ABHD17A: variants seen among roughly 807,000 people sequenced by gnomAD.
ABHD17A encodes the protein abhydrolase domain containing 17A, depalmitoylase, also known as alpha/beta hydrolase domain-containing protein 17A.
A neutral mutation model predicts 26.8 loss-of-function variants in ABHD17A; 10 were observed. That is an observed-to-expected ratio of 0.37 (90% CI 0.23 to 0.63). The LOEUF is 0.63. Among genes scored for constraint, ABHD17A ranks in the 30% least tolerant of loss-of-function variants. ABHD17A has a pLI of 0.61. For missense variants in ABHD17A, 292 were observed against 457.3 expected (o/e 0.64, Z 3.30); for synonymous variants, 167 against 210.9 (o/e 0.79, Z 1.80).
rs777069471 is a variant in ABHD17A, at chr19:1,881,509, C to T, written c.58G>A (p.Gly20Ser). The change falls in exon 2 of 5, where the codon GGC becomes AGC. Residue 20 changes from glycine to serine, a missense_variant. Physicochemically the swap from Gly to Ser is moderately conservative, Grantham distance 56. Coordinates refer to ENST00000292577, the MANE Select transcript of ABHD17A (RefSeq NM_001130111.2). ...AAGGCGAGCTTGGCAGCGATGCGGC[C>T]GGGGCAGGGCGGGCAGCAGAAGAGG... ...CCLFCCPPCP[G>S]RIAAKLAFLP... 33 of 1,604,020 alleles carry T rather than the reference C, an allele frequency of 2.1e-5. No individual in the cohort carries two copies. Among genetic ancestry groups the T allele is most frequent in the East Asian group, 8.9e-5 (4 of 44,792 alleles).
chr19:1,878,801 C>G (rs1038458974), intron 3 of ABHD17A: 15 of 152,562 alleles, frequency 9.8e-5, no homozygotes, highest in Admixed American at 6.5e-4. Context: ...GGCAGGAGCC[C>G]CGAGCTGCCA....
intron 1 of ABHD17A, among the ~76,000 whole-genome samples, chr19:1,884,987 G>A (rs1481113062): frequency 1.3e-5 from 2 of 152,186 alleles, no homozygotes; most frequent in Admixed American, 6.5e-5. Context: ...AGCAGGGCTC[G>A]GGAGGGCCCC....
In ABHD17A at chr19:1,880,917, C is replaced by T. The variant is rs1197899596; in HGVS notation, c.332+318G>A. On this transcript the variant is annotated intron_variant, in intron 2 of 4. Transcript: ENST00000292577. This position sits in a 1 kb window ranked among gnomAD's most constrained non-coding sequence, Gnocchi z 4.1. ...CCACCTGGCGAGAAGGTGGATGTAC[C>T]CGCAGGCCAGGGCAGCCCCTGTGCC... 6.2e-7 allele frequency: 1 copy of T among 1,613,068 alleles called. No homozygotes were observed. Among genetic ancestry groups the T allele is most frequent in the Admixed American group, 1.7e-5 (1 of 60,016 alleles).
Position 1,879,817 on chromosome 19 carries a change from T to C in ABHD17A, c.527+104A>G. The C allele has an allele frequency of 8.1e-7, 1 of 1,237,878 alleles. No individual in the cohort carries two copies. Among genetic ancestry groups the C allele is most frequent in the Non-Finnish European group, 1.1e-6 (1 of 893,708 alleles). The allele number at this position is 1,237,878 out of a possible 1,614,324, so 76.7% of individuals were successfully genotyped here. A position where few individuals can be genotyped will look rare whatever the true frequency, so the allele number is the denominator to read the frequency against. On this transcript the variant is annotated intron_variant, in intron 3 of 4. Transcript: ENST00000292577. This position sits in a 1 kb window ranked among gnomAD's most constrained non-coding sequence, Gnocchi z 7.6. ...TGTGCATCCACTGTGGCTCCCCTCC[T>C]GCAGGGCCGCCCACCTTCCTCCCAG...
At chr19:1,884,760 G>A (rs1568746071) in intron 1 of ABHD17A, among the ~76,000 whole-genome samples, 1 of 152,184 alleles carries the variant, frequency 6.6e-6, no homozygotes, top group Non-Finnish European at 1.5e-5. Context: ...TCCTAAGAGA[G>A]AGCCTGGGAC....
At position 1,877,144 on chromosome 19, in the gene ABHD17A, C is replaced by A; in HGVS notation, c.*56G>T. 4 of 1,458,390 alleles carry A rather than the reference C, an allele frequency of 2.7e-6. No individual in the cohort carries two copies. Among genetic ancestry groups the A allele is most frequent in the Non-Finnish European group, 2.8e-6 (3 of 1,082,510 alleles). 90.3% of individuals were successfully genotyped at this position (1,458,390 alleles called of 1,614,324 possible). The stretch of plus-strand genomic sequence containing the variant: ...TGCAGCCCCTGGGTGGGGGCCGGCG[C>A]GGGGTGAGGTCCGGGGGCCGCCTTA... On this transcript the variant is annotated 3_prime_UTR_variant, in exon 5 of 5. Coordinates refer to ENST00000292577, the MANE Select transcript of ABHD17A (RefSeq NM_001130111.2).
chr19:1,881,341 A>G lies in ABHD17A; in HGVS notation c.226T>C (p.Phe76Leu), dbSNP rs1456343037. The change falls in exon 2 of 5, where the codon TTC (phenylalanine) becomes CTC (leucine). Residue 76 changes from phenylalanine (F) to leucine (L), a missense_variant. Phe to Leu is a conservative substitution (Grantham distance 22). Around this residue, in one of 4 missense-constraint regions of ABHD17A, gnomAD observed 171 missense variants for 216.1 expected, o/e 0.79. Coordinates refer to ENST00000292577, the MANE Select transcript of ABHD17A (RefSeq NM_001130111.2). ...TCCAGCTCGCGCTGGCTGTACTGGAAGTCGGCACGCTCCGTCAGGTGCAGC... is the reference window on the plus strand; with the variant it reads ...TCCAGCTCGCGCTGGCTGTACTGGAGGTCGGCACGCTCCGTCAGGTGCAGC... ...WKLHLTERAD[F>L]QYSQRELDTI... The G allele has an allele frequency of 6.2e-7, 1 of 1,610,150 alleles. No individual in the cohort carries two copies. Among genetic ancestry groups the G allele is most frequent in the East Asian group, 2.2e-5 (1 of 44,862 alleles).
Position 1,877,337 on chromosome 19 carries a change from G to A in ABHD17A, c.796C>T (p.Leu266Phe). 1 of 1,535,004 alleles carries A rather than the reference G, an allele frequency of 6.5e-7. No individual in the cohort carries two copies. The highest frequency in any genetic ancestry group is 8.7e-7 in the Non-Finnish European group (1 of 1,146,954). The change falls in exon 5 of 5, where the codon CTC (leucine) becomes TTC (phenylalanine). Residue 266 changes from leucine to phenylalanine, a missense_variant. Physicochemically the swap from Leu to Phe is conservative, Grantham distance 22. This residue lies in a region of ABHD17A where 88 missense variants were observed against 134.3 expected (regional missense o/e 0.66). Coordinates refer to ENST00000292577, the MANE Select transcript of ABHD17A (RefSeq NM_001130111.2). Reference protein sequence around the residue: ...EVIDFSHGLALYERCPKAVEP... With the variant: ...EVIDFSHGLAFYERCPKAVEP... ...ACCGCCTTGGGGCAGCGCTCGTAGA[G>A]CGCCAGCCCGTGCGAGAAGTCGATC...
At position 1,881,388 on chromosome 19, in the gene ABHD17A, G is replaced by A. The variant is rs200897732; in HGVS notation, c.179C>T (p.Ser60Leu). ...AAPLGTLRAS[S>L]GAPGRWKLHL... ...CAGCTTCCAGCGCCCGGGTGCGCCC[G>A]AGGAGGCTCTCAGGGTCCCCAAGGG... The change falls in exon 2 of 5, where the codon TCG (serine) becomes TTG (leucine). Residue 60 changes from serine to leucine, a missense_variant. Physicochemically the swap from Ser to Leu is moderately radical, Grantham distance 145. Transcript: ENST00000292577. 4,606 of 1,605,384 alleles carry A rather than the reference G, an allele frequency of 2.9e-3. 113 individuals carry two copies. The African/African-American group carries it at 0.054, about 19-fold the overall frequency.
rs762316375 is a variant in ABHD17A at position 1,877,395 on chromosome 19, G to A, written c.738C>T (p.Pro246=). Residue 246 remains proline, a synonymous_variant, in exon 5 of 5, where the codon CCC becomes CCT. Transcript: ENST00000292577. ...CCTCCGTGCCGTGGATGATGAGCAC[G>A]GGAGACGTGATCTTGGACACCTTCT... The part of the protein sequence containing the change: ...NIEKVSKITS[P]VLIIHGTEDE... 39 of 1,566,964 alleles carry A rather than the reference G, an allele frequency of 2.5e-5. No homozygotes were observed. The highest frequency in any genetic ancestry group is 1.8e-4 in the Admixed American group (10 of 54,060).
chr19:1,879,532 G>A lies in ABHD17A; in HGVS notation c.527+389C>T, dbSNP rs1054898714. On this transcript the variant is annotated intron_variant, in intron 3 of 4. Coordinates refer to ENST00000292577, the MANE Select transcript of ABHD17A (RefSeq NM_001130111.2). The surrounding 1 kb of genome is among the most constrained non-coding windows in gnomAD (Gnocchi z 7.6). ...CTCCGGACCTGGATGCAGCAGCCTC[G>A]CCTCACTTGGCCCCAAGTGCTGCCT... 9 of 292,846 alleles carry A rather than the reference G, an allele frequency of 3.1e-5. No individual in the cohort carries two copies. The highest frequency in any genetic ancestry group is 2.8e-4 in the East Asian group (3 of 10,668). The allele number at this position is 292,846 out of a possible 1,614,324, so 18.1% of individuals were successfully genotyped here. A position where few individuals can be genotyped will look rare whatever the true frequency, so the allele number is the denominator to read the frequency against.
In ABHD17A at chr19:1,877,105, C is replaced by T. The variant is rs1423191952; in HGVS notation, c.*95G>A. The T allele has an allele frequency of 1.2e-4, 161 of 1,308,020 alleles. No homozygotes were observed. In the East Asian group the frequency reaches 3.5e-3, roughly 29 times the overall value. The allele number at this position is 1,308,020 out of a possible 1,614,324, so 81.0% of individuals were successfully genotyped here. Reference sequence around the variant, plus strand: ...GTCGGGGCGGGGTCCCCTGGGCCGCCCGGGGGGTCCACATGCAGCCCCTGG... The same window carrying T: ...GTCGGGGCGGGGTCCCCTGGGCCGCTCGGGGGGTCCACATGCAGCCCCTGG... On this transcript the variant is annotated 3_prime_UTR_variant, in exon 5 of 5. Transcript: ENST00000292577.
At chr19:1,881,205 C>G (rs770596670) in intron 2 of ABHD17A, 30 bp downstream of exon 2, 3 of 1,609,780 alleles carry the variant, frequency 1.9e-6, no homozygotes, top group Non-Finnish European at 8.5e-7. Flanking sequence ...AACAGGGTGA[C>G]CCAGCCCAGG....
At chr19:1,881,188 C>T (rs1274726733) in intron 2 of ABHD17A, 47 bp downstream of exon 2, 1 of 1,605,554 alleles carries the variant, frequency 6.2e-7, no homozygotes, top group Middle Eastern at 2.2e-4. Context: ...GAAACGGGAG[C>T]CCCAAGAACA....
chr19:1,883,260 C>G (rs1401066461), intron 1 of ABHD17A: 2 of 152,292 alleles, frequency 1.3e-5, no homozygotes, highest in African/African-American at 4.8e-5. Flanking sequence ...CTGGAGACAC[C>G]TGTCAATGTC....
At chr19:1,881,117 G>T in intron 2 of ABHD17A, 118 bp downstream of exon 2, 2 of 1,566,508 alleles carry the variant, frequency 1.3e-6, no homozygotes, top group Non-Finnish European at 1.7e-6. Context: ...TGGCTGGATG[G>T]CCCTTCACGG....
intron 1 of ABHD17A, among the ~76,000 whole-genome samples, chr19:1,884,996 C>T (rs911400973): frequency 6.6e-6 from 1 of 152,192 alleles, no homozygotes; most frequent in Non-Finnish European, 1.5e-5. Context: ...CGGGAGGGCC[C>T]CTGGGAGCTG....
chr19:1,881,254 G>A lies in ABHD17A; in HGVS notation c.313C>T (p.Arg105Cys), dbSNP rs1049034185. Residue 105 changes from arginine to cysteine, a missense_variant, in exon 2 of 5, where the codon CGC (arginine) becomes TGC (cysteine). By Grantham distance (180) the Arg-to-Cys change is radical. Coordinates refer to ENST00000292577, the MANE Select transcript of ABHD17A (RefSeq NM_001130111.2). ...RGNRVSCMYV[R>C]CVPGARYTVL... ...GCTCACCTGGCACCAGGCACGCAGC[G>A]AACATACATGCAGGAGACGCGGTTG... 1.6e-5 allele frequency: 25 copies of A among 1,610,998 alleles called. No homozygotes were observed. The highest frequency in any genetic ancestry group is 1.9e-5 in the Non-Finnish European group (22 of 1,179,746).
chr19:1,877,130 G>A lies in ABHD17A; in HGVS notation c.*70C>T. On this transcript the variant is annotated 3_prime_UTR_variant, in exon 5 of 5. Coordinates refer to ENST00000292577, the MANE Select transcript of ABHD17A (RefSeq NM_001130111.2). ...CCGGGGGGTCCACATGCAGCCCCTG[G>A]GTGGGGGCCGGCGCGGGGTGAGGTC... 1 of 1,460,244 alleles carries A rather than the reference G, an allele frequency of 6.8e-7. No homozygotes were observed. The highest frequency in any genetic ancestry group is 1.2e-5 in the South Asian group (1 of 80,666). The allele number at this position is 1,460,244 out of a possible 1,614,324, so 90.5% of individuals were successfully genotyped here. A position where few individuals can be genotyped will look rare whatever the true frequency, so the allele number is the denominator to read the frequency against.
Sources: gnomAD v4.1 joint callset for allele counts (sites outside exome capture counted in the v4.1 genomes callset) on GRCh38, gnomAD v4.1.1 for gene constraint, gnomAD v4.1.1 regional missense constraint, Gnocchi (gnomAD v3.1) non-coding constraint, MANE v1.5 for transcripts, NCBI Gene and HGNC (gene_info 2026-07-23, HGNC 2026-07-21) for gene names.